IGF2BP2: variants seen among roughly 807,000 people sequenced by gnomAD.
IGF2BP2 encodes insulin-like growth factor 2 mRNA-binding protein 2.
IGF2BP2 carries 17 observed loss-of-function variants against 75.8 expected under a neutral mutation model. The observed-to-expected ratio is 0.22, with a 90% CI of 0.15 to 0.34. The LOEUF (loss-of-function observed/expected upper bound fraction) is 0.34, where lower values mean the gene tolerates loss of function less well. IGF2BP2 is among the 10% of genes least tolerant of loss of function. IGF2BP2 has a pLI of 1.00. For missense variants in IGF2BP2, 516 were observed against 772.4 expected (o/e 0.67, Z 3.93); for synonymous variants, 288 against 295.6 (o/e 0.97, Z 0.26).
intron 2 of IGF2BP2, chr3:185,722,492 T>C (rs532187499): frequency 2.9e-4 from 84 of 294,454 alleles, no homozygotes; most frequent in African/African-American, 1.9e-3. Context: ...TTCAATTTTA[T>C]GTCATTTTGT....
At chr3:185,771,871 T>C (rs1041229383) in intron 2 of IGF2BP2, among the ~76,000 whole-genome samples, 1 of 152,176 alleles carries the variant, frequency 6.6e-6, no homozygotes, top group Non-Finnish European at 1.5e-5. Context: ...TTTGAGGCTA[T>C]GCAGCTCACA....
chr3:185,795,189 G>C (rs935156353), intron 2 of IGF2BP2, among the ~76,000 whole-genome samples: 1 of 152,206 alleles, frequency 6.6e-6, no homozygotes, highest in East Asian at 1.9e-4. Flanking sequence ...GAGCCACCAC[G>C]CCCAGCCTCC....
intron 2 of IGF2BP2, among the ~76,000 whole-genome samples, chr3:185,729,280 G>A (rs1369660570): frequency 6.6e-6 from 1 of 152,032 alleles, no homozygotes; most frequent in South Asian, 2.1e-4. Flanking sequence ...TTTCTTCCTG[G>A]GTATGTCATT....
chr3:185,647,112 A>C lies in IGF2BP2; in HGVS notation c.1620T>G (p.Ser540Arg). Reference sequence around the variant, plus strand: ...GGTCACGAGGCACGATGACTTCTGCACTGGTTAAGTTCTGCAGTTCGTTCA... The same window carrying C: ...GGTCACGAGGCACGATGACTTCTGCCCTGGTTAAGTTCTGCAGTTCGTTCA... Reference protein sequence around the residue: ...KTVNELQNLTSAEVIVPRDQT... With the variant: ...KTVNELQNLTRAEVIVPRDQT... Residue 540 changes from serine (S) to arginine (R), a missense_variant, in exon 15 of 16, where the codon AGT becomes AGG. Ser to Arg is a moderately radical substitution (Grantham distance 110). Transcript: ENST00000382199. The surrounding 1 kb of genome is among the most constrained non-coding windows in gnomAD (Gnocchi z 4.9). 6.2e-7 allele frequency: 1 copy of C among 1,614,124 alleles called. No homozygotes were observed. The highest frequency in any genetic ancestry group is 2.2e-5 in the East Asian group (1 of 44,874).
At chr3:185,797,927 C>T (rs1421906422) in intron 2 of IGF2BP2, among the ~76,000 whole-genome samples, 8 of 135,126 alleles carry the variant, frequency 5.9e-5, no homozygotes, top group African/African-American at 8.6e-5. Context: ...AAAAGCCGGG[C>T]GTGGTGGCTC....
At chr3:185,648,638 T>A (rs764057401) in intron 14 of IGF2BP2, among the ~76,000 whole-genome samples, 4 of 151,964 alleles carry the variant, frequency 2.6e-5, no homozygotes, top group Non-Finnish European at 1.5e-5. Flanking sequence ...TCAGTGGTCA[T>A]CTCCCCACCC....
chr3:185,741,947 A>G (rs1040872289), intron 2 of IGF2BP2, among the ~76,000 whole-genome samples: 1 of 152,196 alleles, frequency 6.6e-6, no homozygotes, highest in Non-Finnish European at 1.5e-5. Context: ...TTACTTCTTC[A>G]TGTTAGCCAA....
chr3:185,648,230 G>A (rs974547328), intron 14 of IGF2BP2, among the ~76,000 whole-genome samples: 14 of 152,350 alleles, frequency 9.2e-5, no homozygotes, highest in South Asian at 4.1e-4. Flanking sequence ...GCCGAGGCGG[G>A]CGGATCACCT....
rs528066734 is a variant in IGF2BP2 at position 185,656,963 on chromosome 3, T to A, written c.1386+323A>T. 2.0e-5 allele frequency among the ~76,000 whole-genome samples: 3 copies of A among 152,372 alleles called. No homozygotes were observed. The East Asian group carries it at 5.8e-4, about 29-fold the overall frequency. ...CCGCATACTGGTACCTGCTAAGTTA[T>A]CACTTCACCGCAGTCCCTTCCCTTA... On this transcript the variant is annotated intron_variant, in intron 12 of 15. Transcript: ENST00000382199.
In IGF2BP2 at chr3:185,685,557, C is replaced by T. The variant is rs547498807; in HGVS notation, c.812+1500G>A. ...GACCATTTTCATCTTGGTTTTGGAA[C>T]ACTCATGTTTGACATTATTTGATTC... On this transcript the variant is annotated intron_variant, in intron 7 of 15. Coordinates refer to ENST00000382199, the MANE Select transcript of IGF2BP2 (RefSeq NM_006548.6). 3.3e-5 allele frequency among the ~76,000 whole-genome samples: 5 copies of T among 152,226 alleles called. No individual in the cohort carries two copies. In the South Asian group the frequency reaches 8.3e-4, roughly 25 times the overall value.
intron 2 of IGF2BP2, among the ~76,000 whole-genome samples, chr3:185,757,867 TG>T (rs1275972211): frequency 1.3e-5 from 2 of 152,182 alleles, no homozygotes; most frequent in African/African-American, 4.8e-5. Context: ...TTCTGATTGG[TG>T]GTTACAGATC....
intron 2 of IGF2BP2, among the ~76,000 whole-genome samples, chr3:185,799,951 T>G (rs1488213459): frequency 1.3e-5 from 2 of 152,170 alleles, no homozygotes; most frequent in African/African-American, 4.8e-5. Context: ...GGATTATAAA[T>G]CATGCTACTA....
At chr3:185,822,452 G>C (rs80355076) in intron 2 of IGF2BP2, among the ~76,000 whole-genome samples, 1 of 152,188 alleles carries the variant, frequency 6.6e-6, no homozygotes, top group Non-Finnish European at 1.5e-5. Flanking sequence ...TCACTGTGGA[G>C]AAATCCAACC....
chr3:185,660,962 A>G (rs1427346166), intron 10 of IGF2BP2, among the ~76,000 whole-genome samples: 5 of 152,212 alleles, frequency 3.3e-5, no homozygotes, highest in Non-Finnish European at 7.3e-5. Context: ...TGTGGCTCCT[A>G]TTCTGGGTTC....
intron 2 of IGF2BP2, among the ~76,000 whole-genome samples, chr3:185,815,827 T>G (rs1740528988): frequency 6.6e-6 from 1 of 152,214 alleles, no homozygotes; most frequent in African/African-American, 2.4e-5. Context: ...AGGAAAAGTT[T>G]ACAGTTGAGG....
chr3:185,768,086 G>A (rs1733336783), intron 2 of IGF2BP2, among the ~76,000 whole-genome samples: 2 of 152,162 alleles, frequency 1.3e-5, no homozygotes, highest in South Asian at 4.1e-4. Context: ...AAACACAGAA[G>A]GGTACTGCTT....
At chr3:185,743,629 C>T (rs142704485) in intron 2 of IGF2BP2, among the ~76,000 whole-genome samples, 1 of 152,318 alleles carries the variant, frequency 6.6e-6, no homozygotes, top group East Asian at 1.9e-4. Flanking sequence ...AGGGACCCCA[C>T]ATTTTCATTC....
intron 2 of IGF2BP2, among the ~76,000 whole-genome samples, chr3:185,707,872 C>T (rs1017982989): frequency 6.6e-6 from 1 of 152,202 alleles, no homozygotes; most frequent in African/African-American, 2.4e-5. Flanking sequence ...GAGAAAGAAA[C>T]GTAGTTTTAG....
intron 2 of IGF2BP2, among the ~76,000 whole-genome samples, chr3:185,817,107 A>T (rs1740715982): frequency 6.6e-6 from 1 of 152,246 alleles, no homozygotes; most frequent in Non-Finnish European, 1.5e-5. Context: ...GACTTATTAA[A>T]ATATCTGCTT....
Sources: allele counts gnomAD v4.1 joint callset (sites outside exome capture counted in the v4.1 genomes callset), GRCh38; gene constraint gnomAD v4.1.1; non-coding constraint Gnocchi (gnomAD v3.1); transcripts MANE v1.5; gene names NCBI Gene and HGNC (gene_info 2026-07-23, HGNC 2026-07-21).